The following FGF14 variants were observed in gnomAD, a reference collection of about 807,000 sequenced individuals.
FGF14 encodes fibroblast growth factor 14, also known as fibroblast growth factor homologous factor 4.
In FGF14, 5 loss-of-function variants were observed where a neutral mutation model predicts 25.5. That is an observed-to-expected ratio of 0.20 (90% CI 0.10 to 0.41). The LOEUF is 0.41. Ranked by LOEUF, FGF14 falls within the 10% of genes least tolerant of loss-of-function variation. The pLI, the probability that FGF14 is intolerant of heterozygous loss-of-function variation, is 1.00. For synonymous variants in FGF14, 138 were observed against 118.3 expected (o/e 1.17, Z -1.08); for missense variants, 222 against 320.1 (o/e 0.69, Z 2.34).
chr13:102,285,835 G>T (rs921176070), intron 1 of FGF14, among the ~76,000 whole-genome samples: 3 of 152,118 alleles, frequency 2.0e-5, no homozygotes, highest in Non-Finnish European at 4.4e-5. Flanking sequence ...TTTGCCTAAG[G>T]TTACAACAGC....
chr13:102,040,151 A>C (rs575819857), intron 1 of FGF14, among the ~76,000 whole-genome samples: 14 of 152,178 alleles, frequency 9.2e-5, no homozygotes, highest in African/African-American at 2.4e-4. Flanking sequence ...TGTGAAGATC[A>C]CAGAGATCTC....
chr13:102,188,985 A>G (rs1156341003), intron 1 of FGF14, among the ~76,000 whole-genome samples: 2 of 66,084 alleles, frequency 3.0e-5, no homozygotes, highest in African/African-American at 1.5e-4. Flanking sequence ...AGAAAGAAAG[A>G]AAGAAAGAAA....
rs990367541 is a variant in FGF14, at chr13:101,714,335, A to G, written c.*8496T>C. On this transcript the variant is annotated 3_prime_UTR_variant, in exon 5 of 5. Coordinates refer to ENST00000376143, the MANE Select transcript of FGF14 (RefSeq NM_004115.4). ...TTCAATACACTTTTACCTTTGGATG[A>G]TGGGTTATTAGAAGCCTGTTGTCAG... The G allele has an allele frequency of 1.3e-5, 10 of 747,198 alleles. No individual in the cohort carries two copies. Among genetic ancestry groups the G allele is most frequent in the Non-Finnish European group, 2.2e-5 (9 of 413,204 alleles). 46.3% of individuals were successfully genotyped at this position (747,198 alleles called of 1,614,324 possible). A position where few individuals can be genotyped will look rare whatever the true frequency, so the allele number is the denominator to read the frequency against.
chr13:102,080,584 C>A (rs1043492483), intron 1 of FGF14, among the ~76,000 whole-genome samples: 1 of 152,186 alleles, frequency 6.6e-6, no homozygotes, highest in Non-Finnish European at 1.5e-5. Context: ...AATCAACCAT[C>A]CAGTTTCCAA....
At chr13:102,027,423 A>G (rs1346517534) in intron 1 of FGF14, among the ~76,000 whole-genome samples, 1 of 151,956 alleles carries the variant, frequency 6.6e-6, no homozygotes, top group Non-Finnish European at 1.5e-5. Context: ...GGGATACATA[A>G]GCAAATTTCT....
intron 3 of FGF14, among the ~76,000 whole-genome samples, chr13:101,819,961 T>A (rs1040362390): frequency 1.3e-5 from 2 of 152,196 alleles, no homozygotes; most frequent in African/African-American, 4.8e-5. Flanking sequence ...CTCAACATTA[T>A]ACTCATCATT....
At chr13:102,204,895 G>T (rs753842808) in intron 1 of FGF14, among the ~76,000 whole-genome samples, 24 of 152,170 alleles carry the variant, frequency 1.6e-4, no homozygotes, top group Admixed American at 1.2e-3. Flanking sequence ...CAAGGTATAA[G>T]ATTAAAGCCA....
upstream of FGF14, chr13:102,401,924 T>C: frequency 5.3e-6 from 3 of 571,178 alleles, no homozygotes; most frequent in Non-Finnish European, 9.3e-6. Flanking sequence ...GCACAAAAGA[T>C]CCCCAAAGAG....
exon 1 of FGF14, chr13:102,401,560 A>T: frequency 1.9e-6 from 3 of 1,614,212 alleles, no homozygotes; most frequent in Non-Finnish European, 2.5e-6. Flanking sequence ...AAGAAACCAC[A>T]TTGATTTGGG....
At chr13:101,971,636 T>C (rs2037600886) in intron 1 of FGF14, among the ~76,000 whole-genome samples, 1 of 152,192 alleles carries the variant, frequency 6.6e-6, no homozygotes, top group South Asian at 2.1e-4. Context: ...CCTCCCAATA[T>C]ACTGGGATTA....
chr13:101,932,517 A>G (rs962385260), intron 1 of FGF14, among the ~76,000 whole-genome samples: 8 of 143,642 alleles, frequency 5.6e-5, no homozygotes, highest in Non-Finnish European at 7.5e-5. Flanking sequence ...TGGGTGACAT[A>G]AGTGAGACTC....
intron 1 of FGF14, among the ~76,000 whole-genome samples, chr13:102,320,750 A>G (rs1167245707): frequency 6.6e-6 from 1 of 152,196 alleles, no homozygotes; most frequent in Non-Finnish European, 1.5e-5. Context: ...ATTCCCTTGA[A>G]TGGGGCTAAA....
intron 1 of FGF14, among the ~76,000 whole-genome samples, chr13:102,125,217 A>G (rs1280212707): frequency 6.6e-6 from 1 of 152,182 alleles, no homozygotes; most frequent in East Asian, 1.9e-4. Context: ...AAGGTTATCA[A>G]GCTAGTTCTC....
intron 1 of FGF14, among the ~76,000 whole-genome samples, chr13:101,935,757 C>T (rs1390664002): frequency 6.6e-6 from 1 of 152,140 alleles, no homozygotes; most frequent in African/African-American, 2.4e-5. Context: ...ACCAAATCCC[C>T]AGAAACATAT....
At chr13:101,940,354 A>G (rs937502616) in intron 1 of FGF14, among the ~76,000 whole-genome samples, 1 of 152,226 alleles carries the variant, frequency 6.6e-6, no homozygotes, top group Non-Finnish European at 1.5e-5. Flanking sequence ...CAAGCATTCA[A>G]TAGAGCCTTA....
At chr13:102,285,014 G>C (rs2054026186) in intron 1 of FGF14, among the ~76,000 whole-genome samples, 1 of 151,992 alleles carries the variant, frequency 6.6e-6, no homozygotes, top group Non-Finnish European at 1.5e-5. Context: ...GAAAAGAAGA[G>C]TCACCAAAGA....
At chr13:102,048,796 A>C (rs945584768) in intron 1 of FGF14, among the ~76,000 whole-genome samples, 1 of 152,164 alleles carries the variant, frequency 6.6e-6, no homozygotes, top group Non-Finnish European at 1.5e-5. Context: ...GGCTGTCTTC[A>C]CTCAGGCACA....
At chr13:102,391,298 C>T (rs894237407) in intron 1 of FGF14, among the ~76,000 whole-genome samples, 3 of 152,122 alleles carry the variant, frequency 2.0e-5, no homozygotes, top group South Asian at 2.1e-4. Flanking sequence ...CAAAGCTGGG[C>T]GGACTTTATG....
intron 1 of FGF14, among the ~76,000 whole-genome samples, chr13:102,158,713 A>G (rs895327950): frequency 1.3e-5 from 2 of 150,676 alleles, no homozygotes; most frequent in Non-Finnish European, 3.0e-5. Context: ...TTCATTTTGA[A>G]AATTCTAAAA....
Sources: gnomAD v4.1 joint callset for allele counts (sites outside exome capture counted in the v4.1 genomes callset) on GRCh38, gnomAD v4.1.1 for gene constraint, MANE v1.5 for transcripts, NCBI Gene and HGNC (gene_info 2026-07-23, HGNC 2026-07-21) for gene names.